Variants in FAT3 observed in about 807,000 individuals in gnomAD.
FAT3 encodes protocadherin Fat 3.
In FAT3, 95 loss-of-function variants were observed where a neutral mutation model predicts 310.2. The ratio of observed to expected loss-of-function variants is 0.31; its 90% CI spans 0.26 to 0.36. FAT3 has a LOEUF of 0.36. Ranked by LOEUF, FAT3 falls within the 10% of genes least tolerant of loss-of-function variation. The pLI, the probability that FAT3 is intolerant of heterozygous loss-of-function variation, is 1.00. For synonymous variants in FAT3, 2,314 were observed against 2,192.9 expected, an observed-to-expected ratio of 1.06 and a Z score of -1.54; for missense variants, 5,408 against 5,715.6, an observed-to-expected ratio of 0.95 and a Z score of 1.74.
chr11:92,282,009 G>T (rs1366044842), intron 1 of FAT3, among the ~76,000 whole-genome samples: 2 of 151,818 alleles, frequency 1.3e-5, no homozygotes, highest in Non-Finnish European at 2.9e-5. Context: ...GGGTTCCAGC[G>T]ATTCTCCTGC....
rs1948691314 is a variant in FAT3 at position 92,354,979 on chromosome 11, C to T, written c.2867C>T (p.Ala956Val). Residue 956 changes from alanine (A) to valine (V), a missense_variant, in exon 2 of 28, where the codon GCT (alanine) becomes GTT (valine). By Grantham distance (64) the Ala-to-Val change is moderately conservative. Coordinates refer to ENST00000525166, the MANE Select transcript of FAT3 (RefSeq NM_001367949.2). ...LEDLPVGTVI[A>V]WLETHDPDLG... ...GATCTCCCTGTTGGCACTGTCATTG[C>T]TTGGCTTGAGACCCATGATCCAGAT... 3 of 1,613,696 alleles carry T rather than the reference C, an allele frequency of 1.9e-6. No homozygotes were observed. Among genetic ancestry groups the T allele is most frequent in the Admixed American group, 1.7e-5 (1 of 59,922 alleles).
chr11:92,715,418 AAAAAT>A (rs892175958), intron 4 of FAT3, among the ~76,000 whole-genome samples: 1 of 151,856 alleles, frequency 6.6e-6, no homozygotes, highest in Non-Finnish European at 1.5e-5. Flanking sequence ...AAAAAAATAA[AAAAAT>A]AAATAAAAAT....
At chr11:92,765,371 T>G (rs1045733479) in intron 6 of FAT3, among the ~76,000 whole-genome samples, 1 of 152,178 alleles carries the variant, frequency 6.6e-6, no homozygotes. Flanking sequence ...TTAAATTCTA[T>G]TGTCACACTT....
At chr11:92,315,455 ATGTGTGTG>A (rs1157835093) in intron 1 of FAT3, among the ~76,000 whole-genome samples, 2 of 107,820 alleles carry the variant, frequency 1.9e-5, no homozygotes, top group African/African-American at 7.5e-5. Flanking sequence ...GTGTATATAT[ATGTGTGTG>A]TGTGTGTGTG....
At chr11:92,391,824 C>T (rs533481695) in intron 2 of FAT3, among the ~76,000 whole-genome samples, 1 of 152,112 alleles carries the variant, frequency 6.6e-6, no homozygotes, top group African/African-American at 2.4e-5. Context: ...TTGTACGTGT[C>T]CTTTATGGAG....
intron 3 of FAT3, among the ~76,000 whole-genome samples, chr11:92,574,944 T>C (rs2135514912): frequency 6.6e-6 from 1 of 152,246 alleles, no homozygotes; most frequent in South Asian, 2.1e-4. Context: ...GTTCCAGGAT[T>C]ATTAAGGAAT....
At chr11:92,623,533 T>C (rs1430493661) in intron 3 of FAT3, among the ~76,000 whole-genome samples, 1 of 152,236 alleles carries the variant, frequency 6.6e-6, no homozygotes, top group Non-Finnish European at 1.5e-5. Context: ...GTTGATGTTA[T>C]ATGAAAGCAA....
At position 92,844,080 on chromosome 11, in the gene FAT3, G is replaced by A; in HGVS notation, c.10713G>A (p.Gly3571=). 1 of 1,613,992 alleles carries A rather than the reference G, an allele frequency of 6.2e-7. No homozygotes were observed. The highest frequency in any genetic ancestry group is 8.5e-7 in the Non-Finnish European group (1 of 1,179,890). The change falls in exon 19 of 28, where the codon GGG becomes GGA. Residue 3571 remains glycine, a synonymous_variant. Transcript: ENST00000525166. The part of the protein sequence containing the change: ...MEDDFPGGVI[G]KIHATDQDMY... ...ATGACTTTCCTGGTGGGGTCATTGG[G>A]AAGATTCATGCCACAGATCAAGACA... is the stretch of plus-strand genomic sequence containing the variant.
At chr11:92,634,232 G>A (rs1490236053) in intron 3 of FAT3, among the ~76,000 whole-genome samples, 1 of 152,188 alleles carries the variant, frequency 6.6e-6, no homozygotes, top group African/African-American at 2.4e-5. Context: ...GACCTACCAG[G>A]ATTTCTTCTG....
At chr11:92,466,739 C>G (rs866916830) in intron 2 of FAT3, among the ~76,000 whole-genome samples, 7 of 108,492 alleles carry the variant, frequency 6.5e-5, no homozygotes, top group South Asian at 4.0e-4. Context: ...CCCCTCCCCC[C>G]ACCCCACAAC....
intron 3 of FAT3, among the ~76,000 whole-genome samples, chr11:92,605,534 A>G (rs947565322): frequency 6.6e-6 from 1 of 152,162 alleles, no homozygotes; most frequent in East Asian, 1.9e-4. Flanking sequence ...ATAATGGGGA[A>G]AACAAGGGGC....
intron 2 of FAT3, among the ~76,000 whole-genome samples, chr11:92,520,782 C>T (rs551532184): frequency 3.3e-5 from 5 of 152,154 alleles, no homozygotes; most frequent in African/African-American, 1.2e-4. Context: ...TAAAATTTGT[C>T]CTCAAATTTT....
At chr11:92,386,212 G>T (rs571777884) in intron 2 of FAT3, among the ~76,000 whole-genome samples, 1 of 152,142 alleles carries the variant, frequency 6.6e-6, no homozygotes, top group East Asian at 1.9e-4. Context: ...ATTATTTTGG[G>T]TCAACAACCA....
chr11:92,385,529 A>C (rs1949597187), intron 2 of FAT3, among the ~76,000 whole-genome samples: 1 of 151,936 alleles, frequency 6.6e-6, no homozygotes, highest in Non-Finnish European at 1.5e-5. Flanking sequence ...CACCACACCC[A>C]GCTAATTTTT....
At chr11:92,467,299 T>TGTG (rs374489742) in intron 2 of FAT3, among the ~76,000 whole-genome samples, 1,537 of 152,284 alleles carry the variant, frequency 0.01, 30 homozygotes, top group African/African-American at 0.035. Context: ...GGTATCTCGT[T>TGTG]GTTTTGATTT....
intron 3 of FAT3, among the ~76,000 whole-genome samples, chr11:92,617,924 G>A (rs1358526089): frequency 2.0e-5 from 3 of 152,292 alleles, no homozygotes; most frequent in Non-Finnish European, 2.9e-5. Context: ...TAGGCTACTC[G>A]GGCATCAGGG....
intron 4 of FAT3, among the ~76,000 whole-genome samples, chr11:92,728,514 T>G (rs552855887): frequency 2.8e-4 from 42 of 152,024 alleles, no homozygotes; most frequent in African/African-American, 1.0e-3. Context: ...TTTGGTGGGG[T>G]TTTTTGTTTG....
At chr11:92,357,678 GT>G (rs1215646810) in intron 2 of FAT3, among the ~76,000 whole-genome samples, 2 of 151,796 alleles carry the variant, frequency 1.3e-5, no homozygotes, top group Admixed American at 6.6e-5. Flanking sequence ...CCATACTGAG[GT>G]TTTTTTCTTT....
chr11:92,603,827 GTTC>G (rs982053192), intron 3 of FAT3, among the ~76,000 whole-genome samples: 3 of 152,132 alleles, frequency 2.0e-5, no homozygotes, highest in Non-Finnish European at 4.4e-5. Flanking sequence ...TTTAAAATAC[GTTC>G]TTCTTCTCTG....
Sources: gnomAD v4.1 joint callset for allele counts (sites outside exome capture counted in the v4.1 genomes callset) on GRCh38, gnomAD v4.1.1 for gene constraint, MANE v1.5 for transcripts, NCBI Gene and HGNC (gene_info 2026-07-23, HGNC 2026-07-21) for gene names.